DCLK1: variants seen among roughly 807,000 people sequenced by gnomAD.
DCLK1 encodes serine/threonine-protein kinase DCLK1.
DCLK1 carries 16 observed loss-of-function variants against 86.2 expected under a neutral mutation model. The observed-to-expected ratio is 0.19, with a 90% confidence interval of 0.13 to 0.28. DCLK1 has a LOEUF of 0.28. DCLK1 is among the 10% of genes least tolerant of loss of function. DCLK1 has a pLI of 1.00. For synonymous variants in DCLK1, 369 were observed against 370.5 expected, an observed-to-expected ratio of 1.00 and a Z score of 0.05; for missense variants, 590 against 940.2, an observed-to-expected ratio of 0.63 and a Z score of 4.87.
intron 4 of DCLK1, among the ~76,000 whole-genome samples, chr13:35,880,704 C>T (rs1438070820): frequency 6.6e-6 from 1 of 152,134 alleles, no homozygotes; most frequent in South Asian, 2.1e-4. Flanking sequence ...GGCATTAAAA[C>T]GTGTCCCAGA....
chr13:35,838,698 C>T (rs1869575540), intron 7 of DCLK1, among the ~76,000 whole-genome samples: 1 of 152,132 alleles, frequency 6.6e-6, no homozygotes. Flanking sequence ...ATCTGTGAGA[C>T]TACAACAGTC....
intron 3 of DCLK1, among the ~76,000 whole-genome samples, chr13:36,108,863 C>T (rs146928686): frequency 1.3e-5 from 2 of 152,286 alleles, no homozygotes; most frequent in African/African-American, 2.4e-5. Context: ...ATATGGACCC[C>T]GATGCCACCA....
At chr13:36,023,098 G>A (rs1286543447) in intron 3 of DCLK1, among the ~76,000 whole-genome samples, 1 of 152,192 alleles carries the variant, frequency 6.6e-6, no homozygotes, top group Non-Finnish European at 1.5e-5. Flanking sequence ...TTTAATATCT[G>A]TATTAGTCAG....
At chr13:35,881,915 C>T (rs183824233) in intron 4 of DCLK1, among the ~76,000 whole-genome samples, 111 of 152,290 alleles carry the variant, frequency 7.3e-4, no homozygotes, top group African/African-American at 2.2e-3. Flanking sequence ...CTCATGCTAA[C>T]GCTGGGCCTA....
At chr13:35,783,564 A>G (rs956760901) in intron 16 of DCLK1, among the ~76,000 whole-genome samples, 5 of 152,148 alleles carry the variant, frequency 3.3e-5, no homozygotes, top group African/African-American at 4.8e-5. Context: ...CCAATCTTTA[A>G]TTAAGTTAAT....
At chr13:36,041,168 G>A (rs554640678) in intron 3 of DCLK1, among the ~76,000 whole-genome samples, 213 of 152,198 alleles carry the variant, frequency 1.4e-3, no homozygotes, top group African/African-American at 4.9e-3. Flanking sequence ...GTATATATAC[G>A]TACTGAAAAA....
At chr13:35,826,558 A>AGGAGGGAGGGAGGGAGG (rs1161121038) in intron 10 of DCLK1, among the ~76,000 whole-genome samples, 9 of 27,260 alleles carry the variant, frequency 3.3e-4, no homozygotes, top group East Asian at 1.1e-3. Context: ...AAAGAAAGAA[A>AGGAGGGAGGGAGGGAGG]GAAACAAGTC....
chr13:36,100,219 C>CAA (rs1885168752), intron 3 of DCLK1, among the ~76,000 whole-genome samples: 1 of 126,528 alleles, frequency 7.9e-6, no homozygotes, highest in Non-Finnish European at 1.7e-5. Context: ...AAAAACCACA[C>CAA]ACACACAAAA....
At chr13:35,926,020 CT>C (rs773300883) in intron 4 of DCLK1, among the ~76,000 whole-genome samples, 19 of 151,784 alleles carry the variant, frequency 1.3e-4, no homozygotes, top group Non-Finnish European at 2.6e-4. Flanking sequence ...TATTAACAGT[CT>C]CTTGGCCAGA....
intron 3 of DCLK1, among the ~76,000 whole-genome samples, chr13:36,088,442 T>C (rs1444643237): frequency 6.6e-6 from 1 of 152,238 alleles, no homozygotes; most frequent in Non-Finnish European, 1.5e-5. Flanking sequence ...TCTCTCATTC[T>C]TCCTTTATGT....
At chr13:35,823,637 A>G (rs1162785713) in intron 10 of DCLK1, among the ~76,000 whole-genome samples, 1 of 152,146 alleles carries the variant, frequency 6.6e-6, no homozygotes, top group Non-Finnish European at 1.5e-5. Flanking sequence ...TTAAGTTCCA[A>G]CCTAAGTTCC....
At chr13:35,992,265 G>A (rs1880267912) in intron 3 of DCLK1, among the ~76,000 whole-genome samples, 1 of 152,086 alleles carries the variant, frequency 6.6e-6, no homozygotes, top group African/African-American at 2.4e-5. Flanking sequence ...TGATCCCCTC[G>A]GATGTGGGAA....
chr13:35,828,642 G>A (rs1356010299), intron 8 of DCLK1, among the ~76,000 whole-genome samples: 1 of 151,670 alleles, frequency 6.6e-6, no homozygotes, highest in African/African-American at 2.4e-5. Flanking sequence ...CTTACTGTTG[G>A]AAAACTTTCT....
intron 3 of DCLK1, among the ~76,000 whole-genome samples, chr13:36,110,900 G>A (rs997284148): frequency 7.0e-6 from 1 of 143,132 alleles, no homozygotes; most frequent in Non-Finnish European, 1.5e-5. Flanking sequence ...GTGCGATCTC[G>A]GCTCACTGCA....
intron 5 of DCLK1, among the ~76,000 whole-genome samples, chr13:35,857,347 A>G (rs1261212022): frequency 1.3e-5 from 2 of 152,182 alleles, no homozygotes; most frequent in African/African-American, 4.8e-5. Flanking sequence ...GAACACAAAC[A>G]TACAGCTACA....
intron 3 of DCLK1, among the ~76,000 whole-genome samples, chr13:36,105,292 C>CT (rs1885352238): frequency 6.6e-6 from 1 of 151,172 alleles, no homozygotes; most frequent in African/African-American, 2.4e-5. Context: ...TAGTGAGTCC[C>CT]TTTGGCACAT....
intron 5 of DCLK1, chr13:35,855,907 G>A (rs1320198761): frequency 2.1e-5 from 22 of 1,025,192 alleles, no homozygotes; most frequent in Non-Finnish European, 2.5e-5. Flanking sequence ...AAATCGAAAT[G>A]ACAATAACTC....
intron 10 of DCLK1, 134 bp from the exon 11 acceptor site, chr13:35,823,009 C>T (rs1175080221): frequency 3.7e-6 from 4 of 1,079,978 alleles, no homozygotes; most frequent in Non-Finnish European, 4.0e-6. Flanking sequence ...GCTTTTCCTG[C>T]TACTTTCCTT....
chr13:35,931,299 A>G (rs907327826), intron 4 of DCLK1, among the ~76,000 whole-genome samples: 1 of 152,164 alleles, frequency 6.6e-6, no homozygotes, highest in Non-Finnish European at 1.5e-5. Flanking sequence ...AAGTTCTTAA[A>G]TGGCCAGAAT....
Sources: allele counts gnomAD v4.1 joint callset (sites outside exome capture counted in the v4.1 genomes callset), GRCh38; gene constraint gnomAD v4.1.1; transcripts MANE v1.5; gene names NCBI Gene and HGNC (gene_info 2026-07-23, HGNC 2026-07-21).